The following SRGAP2B variants were observed in gnomAD, a reference collection of about 807,000 sequenced individuals.
SRGAP2B encodes SLIT-ROBO Rho GTPase activating protein 2B.
In SRGAP2B, 9 loss-of-function variants were observed where a neutral mutation model predicts 22.2. The ratio of observed to expected loss-of-function variants is 0.41; its 90% CI spans 0.24 to 0.71. The LOEUF is 0.71. Ranked by LOEUF, SRGAP2B falls within the 30% of genes least tolerant of loss-of-function variation. The pLI is 0.35. For missense variants in SRGAP2B, 114 were observed against 235.8 expected, an observed-to-expected ratio of 0.48 and a Z score of 3.38; for synonymous variants, 36 against 87.4, an observed-to-expected ratio of 0.41 and a Z score of 3.28.
chr1:145,020,629 A>T (rs1553623889), intron 2 of SRGAP2B, among the ~76,000 whole-genome samples: 1 of 147,918 alleles, frequency 6.8e-6, no homozygotes, highest in Non-Finnish European at 1.5e-5. Flanking sequence ...AGAGATCTTT[A>T]TTGTATTGAC....
intron 1 of SRGAP2B, among the ~76,000 whole-genome samples, chr1:145,093,704 C>T (rs1351256944): frequency 6.7e-6 from 1 of 148,540 alleles, no homozygotes; most frequent in African/African-American, 2.6e-5. Flanking sequence ...GGGCACCGGG[C>T]GGGGAATGCG....
In SRGAP2B at chr1:145,009,645, G is replaced by A. The variant is rs587753343; in HGVS notation, c.68-14445C>T. 4.6e-4 allele frequency among the ~76,000 whole-genome samples: 68 copies of A among 147,810 alleles called. 3 individuals carry two copies. Among genetic ancestry groups the A allele is most frequent in the African/African-American group, 1.7e-3 (66 of 39,054 alleles). On this transcript the variant is annotated intron_variant, in intron 2 of 9. Coordinates refer to ENST00000612199, the Ensembl canonical transcript of SRGAP2B. The stretch of plus-strand genomic sequence containing the variant: ...GATGATTATCAAAGTAGCATGATGG[G>A]TACATGAGAATCCATAACACTAGTC...
chr1:145,082,298 C>T (rs1471607316), intron 2 of SRGAP2B, among the ~76,000 whole-genome samples: 4 of 142,716 alleles, frequency 2.8e-5, no homozygotes, highest in Non-Finnish European at 4.5e-5. Context: ...TTCCTTAGGA[C>T]CTCTCCTTCC....
intron 2 of SRGAP2B, among the ~76,000 whole-genome samples, chr1:145,088,429 A>G (rs1326226769): frequency 7.2e-6 from 1 of 138,172 alleles, no homozygotes; most frequent in Admixed American, 7.2e-5. Context: ...TCTGTGGTGC[A>G]CACACACTGT....
chr1:144,963,104 G>C (rs587657842), intron 3 of SRGAP2B, among the ~76,000 whole-genome samples: 1 of 151,000 alleles, frequency 6.6e-6, no homozygotes, highest in African/African-American at 2.5e-5. Context: ...AGCTTCTGTA[G>C]ACCTGGGACC....
chr1:145,068,427 A>C lies in SRGAP2B; in HGVS notation c.67+24408T>G, dbSNP rs1303387559. Among the ~76,000 whole-genome samples, 3 of 79,612 alleles carry C rather than the reference A, an allele frequency of 3.8e-5. No individual in the cohort carries two copies. In the Admixed American group the frequency reaches 4.5e-4, roughly 12 times the overall value. 52.2% of individuals were successfully genotyped at this position (79,612 alleles called of 152,430 possible). A position where few individuals can be genotyped will look rare whatever the true frequency, so the allele number is the denominator to read the frequency against. ...AGACAGTGTAGGGCCCTCTGGTACC[A>C]CAGAGGCTGTGTCATGGGTCATGCC... is the stretch of plus-strand genomic sequence containing the variant. On this transcript the variant is annotated intron_variant, in intron 2 of 9. Coordinates refer to ENST00000612199, the Ensembl canonical transcript of SRGAP2B.
In SRGAP2B at chr1:144,956,725, G is replaced by C. The variant is rs1395283116; in HGVS notation, c.261-1124C>G. ...GGCCTCCCAAAGTGCTGGGATTATA[G>C]GAGTGAGCCACCGCGCCCGGCCCTA... is the stretch of plus-strand genomic sequence containing the variant. On this transcript the variant is annotated intron_variant, in intron 3 of 9. Coordinates refer to ENST00000612199, the Ensembl canonical transcript of SRGAP2B. 4.7e-5 allele frequency among the ~76,000 whole-genome samples: 7 copies of C among 150,364 alleles called. 2 individuals carry two copies. The highest frequency in any genetic ancestry group is 1.7e-4 in the African/African-American group (7 of 40,016).
At chr1:144,911,964 T>C (rs1255394063) in intron 5 of SRGAP2B, among the ~76,000 whole-genome samples, 10 of 137,794 alleles carry the variant, frequency 7.3e-5, no homozygotes, top group Admixed American at 7.2e-4. Flanking sequence ...TTTTTTTTTT[T>C]TTTTGAGACA....
intron 3 of SRGAP2B, among the ~76,000 whole-genome samples, chr1:144,982,379 GA>G (rs1669374813): frequency 1.0e-5 from 1 of 98,436 alleles, no homozygotes; most frequent in Non-Finnish European, 2.0e-5. Context: ...GTAAGTGGGA[GA>G]AATCCAGGAT....
At chr1:145,080,380 C>T (rs1367828989) in intron 2 of SRGAP2B, among the ~76,000 whole-genome samples, 6 of 147,490 alleles carry the variant, frequency 4.1e-5, no homozygotes, top group Non-Finnish European at 1.5e-5. Flanking sequence ...TCCAGGCCAG[C>T]TGCCACTCTG....
intron 4 of SRGAP2B, among the ~76,000 whole-genome samples, chr1:144,952,556 G>A (rs1215223301): frequency 6.7e-6 from 1 of 149,984 alleles, no homozygotes; most frequent in Non-Finnish European, 1.5e-5. Flanking sequence ...CTGGAGTGCA[G>A]TGGCATGATT....
In SRGAP2B at chr1:144,925,162, C is replaced by A. The variant is rs587716056; in HGVS notation, c.424-10408G>T. Among the ~76,000 whole-genome samples, 117 of 149,798 alleles carry A rather than the reference C, an allele frequency of 7.8e-4. 2 individuals carry two copies. In the East Asian group the frequency reaches 0.022, roughly 28 times the overall value. On this transcript the variant is annotated intron_variant, in intron 4 of 9. Coordinates refer to ENST00000612199, the Ensembl canonical transcript of SRGAP2B. The stretch of plus-strand genomic sequence containing the variant: ...GGACTACAGGTGTTCACCACCATGC[C>A]TGGATAATTTTTTGTATTTTAGTAA...
At chr1:144,981,200 C>A (rs782806582) in intron 3 of SRGAP2B, among the ~76,000 whole-genome samples, 1 of 138,256 alleles carries the variant, frequency 7.2e-6, no homozygotes, top group East Asian at 2.1e-4. Flanking sequence ...TAATTGGCTG[C>A]GAATTCCTGA....
At chr1:145,057,443 A>AT (rs1650517801) in intron 2 of SRGAP2B, among the ~76,000 whole-genome samples, 1 of 72,068 alleles carries the variant, frequency 1.4e-5, no homozygotes, top group African/African-American at 5.3e-5. Flanking sequence ...GGAAAGGGCC[A>AT]TTGGGGAGAT....
intron 3 of SRGAP2B, among the ~76,000 whole-genome samples, chr1:144,991,200 T>G (rs1553617069): frequency 2.7e-5 from 4 of 149,682 alleles, no homozygotes; most frequent in East Asian, 4.0e-4. Flanking sequence ...GCTCAAGGTT[T>G]GTGAGTGCAC....
At chr1:145,088,926 A>C (rs1326148061) in intron 2 of SRGAP2B, among the ~76,000 whole-genome samples, 11 of 151,076 alleles carry the variant, frequency 7.3e-5, no homozygotes, top group African/African-American at 2.7e-4. Context: ...AAAAAAAAAA[A>C]AACAATAAAA....
At chr1:144,943,526 A>T (rs868978269) in intron 4 of SRGAP2B, among the ~76,000 whole-genome samples, 2 of 149,284 alleles carry the variant, frequency 1.3e-5, no homozygotes, top group Non-Finnish European at 3.0e-5. Context: ...AGAGAAAAGG[A>T]AGGGAGGGAG....
chr1:144,979,671 A>C lies in SRGAP2B; in HGVS notation c.260+15337T>G, dbSNP rs1442175731. On this transcript the variant is annotated intron_variant, in intron 3 of 9. Transcript: ENST00000612199. ...GTTTAGCACCATCTCTGTGGTGATA[A>C]GTGAGTTCATGCTCACTTAGTTCAC... Among the ~76,000 whole-genome samples, 6 of 150,110 alleles carry C rather than the reference A, an allele frequency of 4.0e-5. No individual in the cohort carries two copies. The East Asian group carries it at 7.8e-4, about 20-fold the overall frequency.
chr1:145,079,994 C>G (rs1553634554), intron 2 of SRGAP2B, among the ~76,000 whole-genome samples: 1 of 149,534 alleles, frequency 6.7e-6, no homozygotes, highest in East Asian at 1.9e-4. Flanking sequence ...CTCCCACTTC[C>G]TTATTTCTTT....
Sources: allele counts gnomAD v4.1 joint callset (sites outside exome capture counted in the v4.1 genomes callset), GRCh38; gene constraint gnomAD v4.1.1; transcripts MANE v1.5; gene names NCBI Gene and HGNC (gene_info 2026-07-23, HGNC 2026-07-21).